The following WDFY4 variants were observed in gnomAD, a reference collection of about 807,000 sequenced individuals.
WDFY4 encodes WDFY family member 4.
WDFY4 carries 169 observed loss-of-function variants against 351.9 expected under a neutral mutation model. The ratio of observed to expected loss-of-function variants is 0.48; its 90% confidence interval spans 0.42 to 0.55. WDFY4 has a LOEUF of 0.55. Among genes scored for constraint, WDFY4 ranks in the 20% least tolerant of loss-of-function variants. WDFY4 has a pLI of 0.00. For missense variants in WDFY4, 3,803 were observed against 3,935.6 expected, an observed-to-expected ratio of 0.97 and a Z score of 0.90; for synonymous variants, 1,622 against 1,574.6, an observed-to-expected ratio of 1.03 and a Z score of -0.71.
intron 39 of WDFY4, among the ~76,000 whole-genome samples, chr10:48,844,260 A>G (rs2068703721): frequency 6.6e-6 from 1 of 152,132 alleles, no homozygotes; most frequent in Non-Finnish European, 1.5e-5. Flanking sequence ...GGAAGGAGAG[A>G]TGGAATGTGG....
intron 40 of WDFY4, among the ~76,000 whole-genome samples, chr10:48,871,630 C>T (rs939492180): frequency 2.0e-4 from 31 of 152,308 alleles, no homozygotes; most frequent in African/African-American, 7.5e-4. Flanking sequence ...CATGCACTAA[C>T]ATGCCCAGTT....
chr10:48,811,517 G>A (rs1296781855), intron 29 of WDFY4, 22 bp from the exon 30 acceptor site: 2 of 1,549,728 alleles, frequency 1.3e-6, no homozygotes, highest in South Asian at 1.2e-5. Flanking sequence ...TGACTTTTGT[G>A]CCCCCTTTGC....
intron 57 of WDFY4, among the ~76,000 whole-genome samples, chr10:48,974,284 C>T (rs887850041): frequency 6.6e-6 from 1 of 152,010 alleles, no homozygotes; most frequent in Non-Finnish European, 1.5e-5. Flanking sequence ...AGGTGGATCA[C>T]TTGAGGTCAG....
chr10:48,822,480 G>T lies in WDFY4; in HGVS notation c.5925G>T (p.Gly1975=). 1 of 1,550,688 alleles carries T rather than the reference G, an allele frequency of 6.4e-7. No homozygotes were observed. The highest frequency in any genetic ancestry group is 8.7e-7 in the Non-Finnish European group (1 of 1,146,288). ...AGCTGGTGGAGAAGCTGTACAGTGG[G>T]ATGTTCTCGGCAGACCCCAGGCATA... The part of the protein sequence containing the change: ...TQKLVEKLYS[G]MFSADPRHIL... Residue 1975 remains glycine, a synonymous_variant, in exon 35 of 62, where the codon GGG becomes GGT. Transcript: ENST00000325239.
chr10:48,919,176 T>TA lies in WDFY4; in HGVS notation c.7586+17323dup, dbSNP rs1232822993. 5.9e-3 allele frequency among the ~76,000 whole-genome samples: 869 copies of TA among 147,858 alleles called. 10 individuals are homozygous for TA. Among genetic ancestry groups the TA allele is most frequent in the African/African-American group, 0.02 (817 of 40,346 alleles). On this transcript the variant is annotated intron_variant, in intron 47 of 61. Transcript: ENST00000325239. The stretch of plus-strand genomic sequence containing the variant: ...GAAACAGATAGCCAGACTGACAATT[T>TA]AAAAAAAAAAGAAAGAGAAGCCAAA...
chr10:48,823,073 T>C, intron 35 of WDFY4: 2 of 1,208,946 alleles, frequency 1.7e-6, no homozygotes, highest in South Asian at 1.3e-5. Flanking sequence ...AATGCATACC[T>C]GTAGGGCCAT....
intron 47 of WDFY4, among the ~76,000 whole-genome samples, chr10:48,918,955 C>T (rs956077730): frequency 2.6e-5 from 4 of 152,190 alleles, no homozygotes; most frequent in African/African-American, 9.7e-5. Context: ...GAATAACTCA[C>T]TATTACCACT....
chr10:48,943,066 G>A (rs950504727), intron 48 of WDFY4, among the ~76,000 whole-genome samples: 8 of 151,362 alleles, frequency 5.3e-5, no homozygotes, highest in Non-Finnish European at 1.2e-4. Context: ...ACAAAAGCAT[G>A]TTTTATCCTT....
intron 40 of WDFY4, among the ~76,000 whole-genome samples, chr10:48,872,407 A>G (rs2069818021): frequency 6.6e-6 from 1 of 152,228 alleles, no homozygotes; most frequent in Non-Finnish European, 1.5e-5. Flanking sequence ...CAGACTTAGC[A>G]TCATCATGGG....
chr10:48,883,287 G>A (rs959975186), intron 43 of WDFY4, among the ~76,000 whole-genome samples: 1 of 152,186 alleles, frequency 6.6e-6, no homozygotes, highest in Admixed American at 6.5e-5. Context: ...GACCACTATG[G>A]TTTTGTGTCA....
At chr10:48,917,280 C>T (rs1838638211) in intron 47 of WDFY4, among the ~76,000 whole-genome samples, 1 of 152,190 alleles carries the variant, frequency 6.6e-6, no homozygotes, top group Non-Finnish European at 1.5e-5. Context: ...GATACCTATA[C>T]TTACACCTGT....
intron 44 of WDFY4, among the ~76,000 whole-genome samples, chr10:48,892,603 A>C (rs1564455558): frequency 6.6e-6 from 1 of 152,356 alleles, no homozygotes; most frequent in East Asian, 1.9e-4. Flanking sequence ...CTATTAGATC[A>C]TTCCAGATCA....
intron 13 of WDFY4, among the ~76,000 whole-genome samples, chr10:48,771,278 CACTT>C (rs1442460375): frequency 6.6e-6 from 1 of 152,218 alleles, no homozygotes; most frequent in Non-Finnish European, 1.5e-5. Flanking sequence ...TTATTTCTGT[CACTT>C]AGTGCTAGCA....
intron 20 of WDFY4, among the ~76,000 whole-genome samples, chr10:48,787,384 A>G (rs1022918672): frequency 2.0e-5 from 3 of 152,244 alleles, no homozygotes; most frequent in South Asian, 4.1e-4. Flanking sequence ...GCTCTTGAGC[A>G]TTTCTGTCTC....
At chr10:48,930,120 G>T (rs377766948) in intron 47 of WDFY4, among the ~76,000 whole-genome samples, 36 of 152,156 alleles carry the variant, frequency 2.4e-4, no homozygotes, top group African/African-American at 8.2e-4. Context: ...TAGTTTAATA[G>T]ATACAGTCTA....
intron 26 of WDFY4, 88 bp downstream of exon 26, chr10:48,805,509 C>T (rs1054449809): frequency 3.4e-6 from 5 of 1,457,564 alleles, no homozygotes; most frequent in East Asian, 5.0e-5. Flanking sequence ...CCCCATTGTG[C>T]TCAACCCTGA....
chr10:48,919,174 T>C (rs1010512606), intron 47 of WDFY4, among the ~76,000 whole-genome samples: 25 of 150,766 alleles, frequency 1.7e-4, no homozygotes, highest in African/African-American at 6.1e-4. Context: ...AGACTGACAA[T>C]TTAAAAAAAA....
chr10:48,868,590 T>C (rs532850137), intron 40 of WDFY4, among the ~76,000 whole-genome samples: 4 of 152,142 alleles, frequency 2.6e-5, no homozygotes, highest in Non-Finnish European at 5.9e-5. Context: ...GATTGACAGA[T>C]TTCACTCAGG....
chr10:48,768,740 A>AGAGAGAGAGAGAGG (rs961545548), intron 13 of WDFY4, among the ~76,000 whole-genome samples: 8 of 151,698 alleles, frequency 5.3e-5, no homozygotes, highest in Non-Finnish European at 5.9e-5. Flanking sequence ...AGAGAGAGAG[A>AGAGAGAGAGAGAGG]GAGAGAGAGA....
Sources: gnomAD v4.1 joint callset for allele counts (sites outside exome capture counted in the v4.1 genomes callset) on GRCh38, gnomAD v4.1.1 for gene constraint, MANE v1.5 for transcripts, NCBI Gene and HGNC (gene_info 2026-07-23, HGNC 2026-07-21) for gene names.